Variants in TYRO3 observed in about 807,000 individuals in gnomAD.
TYRO3 encodes the protein TYRO3 protein tyrosine kinase, also known as tyrosine-protein kinase receptor TYRO3.
A neutral mutation model predicts 95.2 loss-of-function variants in TYRO3; 38 were observed. The observed-to-expected ratio is 0.40, with a 90% CI of 0.31 to 0.52. The LOEUF is 0.52. Ranked by LOEUF, TYRO3 falls within the 20% of genes least tolerant of loss-of-function variation. The probability of loss-of-function intolerance (pLI) is 0.56; values close to 1 mark genes in which losing one functional copy is unlikely to be tolerated. For synonymous variants in TYRO3, 367 were observed against 432.9 expected (o/e 0.85, Z 1.89); for missense variants, 812 against 1,116.4 (o/e 0.73, Z 3.89).
rs140010890 is a variant in TYRO3, at chr15:41,568,252, C to T, written c.997C>T (p.Arg333Cys). ...CGCTCCCCAAAACCTCCATGCCATCCGCACAGATTCAGGCCTCATCTTGGA... is the reference window on the plus strand; with the variant it reads ...CGCTCCCCAAAACCTCCATGCCATCTGCACAGATTCAGGCCTCATCTTGGA... ...ASAPQNLHAI[R>C]TDSGLILEWE... is the part of the protein sequence containing the mutation. Residue 333 changes from arginine to cysteine, a missense_variant, in exon 8 of 19, where the codon CGC becomes TGC. Transcript: ENST00000263798. 241 of 1,613,022 alleles carry T rather than the reference C, an allele frequency of 1.5e-4. No homozygotes were observed. The African/African-American group carries it at 2.5e-3, about 17-fold the overall frequency.
At position 41,573,672 on chromosome 15, in the gene TYRO3, G is replaced by A. The variant is rs780952960; in HGVS notation, c.2146-7G>A. ...CAGCTTCTCCCCCAACCTCGATTCT[G>A]TCCCAGTGGGCGTTCGGGGTGACCA... On this transcript the variant is annotated splice_polypyrimidine_tract_variant and splice_region_variant and intron_variant, in intron 17 of 18. Transcript: ENST00000263798. 1.8e-6 allele frequency: 2 copies of A among 1,106,634 alleles called. No homozygotes were observed. The highest frequency in any genetic ancestry group is 4.6e-5 in the East Asian group (2 of 43,366). 68.6% of individuals were successfully genotyped at this position (1,106,634 alleles called of 1,614,324 possible).
At chr15:41,568,452 T>C (rs564021298) in intron 8 of TYRO3, 90 bp downstream of exon 8, 1 of 1,373,760 alleles carries the variant, frequency 7.3e-7, no homozygotes, top group East Asian at 2.4e-5. Flanking sequence ...TGATTGTCTT[T>C]GGTGGGCCTG....
intron 18 of TYRO3, among the ~76,000 whole-genome samples, chr15:41,576,368 T>C (rs1338294342): frequency 6.6e-6 from 1 of 151,674 alleles, no homozygotes; most frequent in Admixed American, 6.6e-5. Flanking sequence ...TAATTTTGTA[T>C]TTTTAGTAGA....
intron 3 of TYRO3, 125 bp from the exon 4 acceptor site, chr15:41,562,423 C>T: frequency 1.1e-6 from 1 of 946,110 alleles, no homozygotes; most frequent in Non-Finnish European, 1.6e-6. Flanking sequence ...CTGCTGTTGA[C>T]CTAATCATAA....
chr15:41,572,472 C>T lies in TYRO3; in HGVS notation c.1783C>T (p.Arg595Cys), dbSNP rs148583498. 8 of 1,614,106 alleles carry T rather than the reference C, an allele frequency of 5.0e-6. No individual in the cohort carries two copies. Among genetic ancestry groups the T allele is most frequent in the Admixed American group, 1.7e-5 (1 of 60,008 alleles). The change falls in exon 15 of 19, where the codon CGT becomes TGT. Residue 595 changes from arginine to cysteine, a missense_variant. Coordinates refer to ENST00000263798, the MANE Select transcript of TYRO3 (RefSeq NM_006293.4). ...AAGCCTCCGGAGCAGGGCTAAAGGC[C>T]GTCTCCCCATCCCCATGGTCATCTT... Reference protein sequence around the residue: ...GVSLRSRAKGRLPIPMVILPF... With the variant: ...GVSLRSRAKGCLPIPMVILPF...
intron 1 of TYRO3, among the ~76,000 whole-genome samples, chr15:41,559,685 CA>C (rs1195610359): frequency 6.6e-6 from 1 of 152,204 alleles, no homozygotes; most frequent in Admixed American, 6.5e-5. Flanking sequence ...TCGATGTTCC[CA>C]GCTGTTAGCT....
intron 6 of TYRO3, among the ~76,000 whole-genome samples, chr15:41,566,324 A>T (rs1220337102): frequency 5.3e-5 from 2 of 37,836 alleles, no homozygotes; most frequent in Non-Finnish European, 2.6e-4. Flanking sequence ...CTCTATTAAA[A>T]AAAAAAAAAA....
intron 4 of TYRO3, among the ~76,000 whole-genome samples, chr15:41,563,294 C>T (rs531116904): frequency 1.3e-5 from 2 of 152,290 alleles, no homozygotes; most frequent in East Asian, 3.9e-4. Flanking sequence ...CCCCAAGTTT[C>T]TTGGGCACAT....
At chr15:41,570,004 G>A in intron 9 of TYRO3, 23 bp from the exon 10 acceptor site, 2 of 1,608,646 alleles carry the variant, frequency 1.2e-6, no homozygotes, top group Non-Finnish European at 1.7e-6. Context: ...CCTAGCTCAT[G>A]CCACTGCACC....
At chr15:41,576,515 C>CA (rs1411120401) in intron 18 of TYRO3, among the ~76,000 whole-genome samples, 1 of 151,810 alleles carries the variant, frequency 6.6e-6, no homozygotes, top group East Asian at 1.9e-4. Context: ...TTTTAGTAGA[C>CA]ACGGGGTTTC....
chr15:41,563,239 G>C (rs951889627), intron 4 of TYRO3, among the ~76,000 whole-genome samples: 1 of 152,168 alleles, frequency 6.6e-6, no homozygotes, highest in African/African-American at 2.4e-5. Flanking sequence ...AAACAACTGT[G>C]TCTGTCCATA....
chr15:41,573,659 C>T lies in TYRO3; in HGVS notation c.2146-20C>T. On this transcript the variant is annotated intron_variant, in intron 17 of 18. Transcript: ENST00000263798. ...GGACACCTAGTGACAGCTTCTCCCC[C>T]AACCTCGATTCTGTCCCAGTGGGCG... 7.4e-7 allele frequency: 1 copy of T among 1,347,952 alleles called. No individual in the cohort carries two copies. Among genetic ancestry groups the T allele is most frequent in the Non-Finnish European group, 1.0e-6 (1 of 995,682 alleles). 83.5% of individuals were successfully genotyped at this position (1,347,952 alleles called of 1,614,324 possible).
At chr15:41,575,913 T>C (rs2055854238) in intron 18 of TYRO3, among the ~76,000 whole-genome samples, 1 of 151,932 alleles carries the variant, frequency 6.6e-6, no homozygotes, top group Admixed American at 6.5e-5. Flanking sequence ...CAGACCAGCC[T>C]GACCAACATA....
intron 18 of TYRO3, chr15:41,577,236 G>T (rs1331727059): frequency 6.6e-6 from 1 of 152,122 alleles, no homozygotes; most frequent in Non-Finnish European, 1.5e-5. Flanking sequence ...GATCACTAGA[G>T]GCCAGGAGTT....
intron 3 of TYRO3, 129 bp from the exon 4 acceptor site, chr15:41,562,419 T>C: frequency 1.1e-6 from 1 of 885,342 alleles, no homozygotes; most frequent in Non-Finnish European, 1.7e-6. Context: ...TGTTCTGCTG[T>C]TGACCTAATC....
At chr15:41,577,047 C>T (rs1005676183) in intron 18 of TYRO3, among the ~76,000 whole-genome samples, 1 of 152,130 alleles carries the variant, frequency 6.6e-6, no homozygotes, top group Non-Finnish European at 1.5e-5. Flanking sequence ...CAAATCACAG[C>T]TCTGTCACTT....
At position 41,583,027 on chromosome 15, in the gene TYRO3, C is replaced by T. The variant is rs1308402038; in HGVS notation, c.*4751C>T. 1 of 45,232 alleles carries T rather than the reference C, an allele frequency of 2.2e-5. No homozygotes were observed. The highest frequency in any genetic ancestry group is 4.5e-5 in the Non-Finnish European group (1 of 22,230). The allele number at this position is 45,232 out of a possible 1,614,324, so 2.8% of individuals were successfully genotyped here. The stretch of plus-strand genomic sequence containing the variant: ...TTTTTTTTTTTAATACAGAGCCTTG[C>T]TCTGTCGCCCAGGCTGGAGTGCAGT... On this transcript the variant is annotated 3_prime_UTR_variant, in exon 19 of 19. Transcript: ENST00000263798.
intron 18 of TYRO3, among the ~76,000 whole-genome samples, chr15:41,575,308 A>G (rs1311094687): frequency 6.6e-6 from 1 of 152,212 alleles, no homozygotes; most frequent in Non-Finnish European, 1.5e-5. Flanking sequence ...AGGGGCAGGA[A>G]GCTCACATCT....
intron 6 of TYRO3, among the ~76,000 whole-genome samples, chr15:41,566,202 A>C (rs1485595338): frequency 6.6e-6 from 1 of 151,860 alleles, no homozygotes; most frequent in East Asian, 1.9e-4. Context: ...ACTTCTAACT[A>C]TTCAGGAGGC....
Sources: allele counts gnomAD v4.1 joint callset (sites outside exome capture counted in the v4.1 genomes callset), GRCh38; gene constraint gnomAD v4.1.1; transcripts MANE v1.5; gene names NCBI Gene and HGNC (gene_info 2026-07-23, HGNC 2026-07-21).